MAP4: variants seen among roughly 807,000 people sequenced by gnomAD.
The protein encoded by MAP4 is microtubule associated protein 4, also known as microtubule-associated protein 4.
MAP4 carries 76 observed loss-of-function variants against 170.2 expected under a neutral mutation model. That is an observed-to-expected ratio of 0.45 (90% CI 0.37 to 0.54). The LOEUF (loss-of-function observed/expected upper bound fraction) is 0.54. Ranked by LOEUF, MAP4 falls within the 20% of genes least tolerant of loss-of-function variation. MAP4 has a pLI of 0.00. For synonymous variants in MAP4, 909 were observed against 994.5 expected, an observed-to-expected ratio of 0.91 and a Z score of 1.62; for missense variants, 2,506 against 2,748.0, an observed-to-expected ratio of 0.91 and a Z score of 1.97.
chr3:47,984,828 G>A (rs889600789), intron 2 of MAP4, among the ~76,000 whole-genome samples: 1 of 152,032 alleles, frequency 6.6e-6, no homozygotes, highest in Non-Finnish European at 1.5e-5. Context: ...AATTAGCCAG[G>A]TGTGGTGGCA....
At chr3:47,974,855 A>C (rs1044969165) in intron 3 of MAP4, 1 of 965,354 alleles carries the variant, frequency 1.0e-6, no homozygotes, top group Non-Finnish European at 1.2e-6. Flanking sequence ...TACTCAATTT[A>C]AAAACTTAAA....
chr3:47,950,163 C>T (rs921564582), intron 3 of MAP4, among the ~76,000 whole-genome samples: 2 of 152,230 alleles, frequency 1.3e-5, no homozygotes, highest in African/African-American at 4.8e-5. Context: ...GAGGGAGTAG[C>T]TGCTCCTATA....
intron 10 of MAP4, among the ~76,000 whole-genome samples, chr3:47,887,303 G>C (rs1217877530): frequency 6.6e-6 from 1 of 152,250 alleles, no homozygotes; most frequent in African/African-American, 2.4e-5. Flanking sequence ...ACTTGGAGCA[G>C]CCAGCCAGCC....
rs1042210329 is a variant in MAP4, at chr3:47,944,308, T to TCAAAAA, written c.293-15964_293-15959dup. 9.9e-5 allele frequency among the ~76,000 whole-genome samples: 15 copies of TCAAAAA among 152,102 alleles called. No homozygotes were observed. The East Asian group carries it at 1.4e-3, about 14-fold the overall frequency. On this transcript the variant is annotated intron_variant, in intron 3 of 20. Transcript: ENST00000683076. ...CTGGGCGAGAGAGCAAAACTCTGTC[T>TCAAAAA]CAAAAACAAAAACAAAAACAAAATG...
At chr3:48,062,515 AAAC>A (rs1371288637) in intron 1 of MAP4, among the ~76,000 whole-genome samples, 14 of 150,422 alleles carry the variant, frequency 9.3e-5, no homozygotes, top group African/African-American at 3.2e-4. Context: ...AAAAAAAAAA[AAAC>A]ATCACTATGT....
At chr3:47,917,404 A>G (rs2100040323) in intron 6 of MAP4, among the ~76,000 whole-genome samples, 1 of 152,074 alleles carries the variant, frequency 6.6e-6, no homozygotes, top group Non-Finnish European at 1.5e-5. Context: ...CCTGACAAAC[A>G]TGGTGAAACC....
intron 1 of MAP4, among the ~76,000 whole-genome samples, chr3:48,046,567 G>A (rs1215328595): frequency 2.0e-5 from 3 of 152,132 alleles, no homozygotes; most frequent in Non-Finnish European, 4.4e-5. Flanking sequence ...TTAATGACCC[G>A]TCTACTTCCT....
At chr3:47,893,467 C>T (rs978344838) in intron 10 of MAP4, among the ~76,000 whole-genome samples, 1 of 152,156 alleles carries the variant, frequency 6.6e-6, no homozygotes, top group Non-Finnish European at 1.5e-5. Context: ...ACAATTGTAG[C>T]TTGGAGTTTT....
chr3:47,919,098 A>AT (rs1464595055), intron 5 of MAP4, among the ~76,000 whole-genome samples: 1 of 151,144 alleles, frequency 6.6e-6, no homozygotes, highest in African/African-American at 2.4e-5. Flanking sequence ...CTCCCGGCTA[A>AT]TTTTTTGTAT....
chr3:47,946,562 G>A (rs558991477), intron 3 of MAP4, among the ~76,000 whole-genome samples: 14 of 143,030 alleles, frequency 9.8e-5, no homozygotes, highest in Non-Finnish European at 1.5e-4. Flanking sequence ...GCTGAGACAG[G>A]AGAATCGCTT....
intron 1 of MAP4, among the ~76,000 whole-genome samples, chr3:48,062,932 A>C (rs1487354223): frequency 6.6e-6 from 1 of 151,758 alleles, no homozygotes; most frequent in Non-Finnish European, 1.5e-5. Context: ...TCTCAAAAAA[A>C]AAAAAAAGAA....
intron 16 of MAP4, among the ~76,000 whole-genome samples, chr3:47,868,470 T>C (rs2084584644): frequency 6.6e-6 from 1 of 152,176 alleles, no homozygotes; most frequent in Non-Finnish European, 1.5e-5. Flanking sequence ...CTTTCTTCAC[T>C]GTAGGAATGC....
intron 3 of MAP4, among the ~76,000 whole-genome samples, chr3:47,963,185 A>C (rs1409203743): frequency 2.0e-5 from 3 of 152,230 alleles, no homozygotes; most frequent in African/African-American, 4.8e-5. Flanking sequence ...CATCCGATTA[A>C]AATACTGTTA....
intron 1 of MAP4, among the ~76,000 whole-genome samples, chr3:48,000,317 G>A (rs1213857804): frequency 6.6e-6 from 1 of 151,000 alleles, no homozygotes; most frequent in African/African-American, 2.4e-5. Context: ...AGTGTGCAAG[G>A]TACTACGCCT....
chr3:47,901,845 G>A (rs1006764910), intron 10 of MAP4, among the ~76,000 whole-genome samples: 1 of 152,150 alleles, frequency 6.6e-6, no homozygotes, highest in Non-Finnish European at 1.5e-5. Context: ...GGGAATATGA[G>A]GGGAAGAAGC....
intron 3 of MAP4, among the ~76,000 whole-genome samples, chr3:47,955,660 T>C: frequency 6.6e-6 from 1 of 152,122 alleles, no homozygotes; most frequent in East Asian, 1.9e-4. Context: ...TGTCAAAATT[T>C]CCCTTCCAAG....
At chr3:47,870,703 G>T in intron 15 of MAP4, 110 bp downstream of exon 15, 1 of 1,157,956 alleles carries the variant, frequency 8.6e-7, no homozygotes, top group East Asian at 2.5e-5. Context: ...CTGATGCTGA[G>T]TCCAGTGTCC....
intron 1 of MAP4, among the ~76,000 whole-genome samples, chr3:48,037,328 C>T (rs1270100992): frequency 6.6e-6 from 1 of 151,960 alleles, no homozygotes; most frequent in Non-Finnish European, 1.5e-5. Context: ...AATTATTGTC[C>T]ATCTTCAATA....
rs1192530675 is a variant in MAP4 at position 47,889,935 on chromosome 3, TA to T, written c.5435-12413del. 6.3e-3 allele frequency among the ~76,000 whole-genome samples: 855 copies of T among 135,824 alleles called. 7 individuals are homozygous for T. Among genetic ancestry groups the T allele is most frequent in the African/African-American group, 0.018 (653 of 36,918 alleles). The allele number at this position is 135,824 out of a possible 152,430, so 89.1% of individuals were successfully genotyped here. On this transcript the variant is annotated intron_variant, in intron 10 of 20. Coordinates refer to ENST00000683076, the MANE Select transcript of MAP4 (RefSeq NM_001385682.1). Reference sequence around the variant, plus strand: ...AAACAAAAAATGTTTTTTATCTCCATAAAAAAAAAAAACCCAAAACATCTGT... The same window carrying T: ...AAACAAAAAATGTTTTTTATCTCCATAAAAAAAAAAACCCAAAACATCTGT...
Sources: allele counts gnomAD v4.1 joint callset (sites outside exome capture counted in the v4.1 genomes callset), GRCh38; gene constraint gnomAD v4.1.1; transcripts MANE v1.5; gene names NCBI Gene and HGNC (gene_info 2026-07-23, HGNC 2026-07-21).